The following NRDC variants were observed in gnomAD, a reference collection of about 807,000 sequenced individuals.
NRDC encodes nardilysin.
Under a neutral mutation model 147.1 loss-of-function variants are expected in NRDC, and 54 were observed. The ratio of observed to expected loss-of-function variants is 0.37; its 90% CI spans 0.29 to 0.46. The LOEUF is 0.46. Ranked by LOEUF, NRDC falls within the 20% of genes least tolerant of loss-of-function variation. The pLI, the probability that NRDC is intolerant of heterozygous loss-of-function variation, is 1.00. For missense variants in NRDC, 1,082 were observed against 1,370.6 expected (o/e 0.79, Z 3.33); for synonymous variants, 440 against 482.1 (o/e 0.91, Z 1.14).
chr1:51,795,093 TAC>T, intron 22 of NRDC: 1 of 1,450,002 alleles, frequency 6.9e-7, no homozygotes, highest in Non-Finnish European at 9.2e-7. Context: ...TTACCCATAA[TAC>T]AGTTTCCCAA....
At chr1:51,857,701 G>T (rs541181892) in intron 1 of NRDC, among the ~76,000 whole-genome samples, 25 of 152,146 alleles carry the variant, frequency 1.6e-4, no homozygotes, top group Admixed American at 4.6e-4. Context: ...TGATTGGATT[G>T]GATCTGATAA....
intron 13 of NRDC, 139 bp downstream of exon 13, chr1:51,814,412 A>T: frequency 2.7e-6 from 2 of 730,624 alleles, no homozygotes. Context: ...AGGGATAAGG[A>T]TATGGAGTCA....
intron 1 of NRDC, among the ~76,000 whole-genome samples, chr1:51,850,215 AC>A (rs920073665): frequency 6.6e-6 from 1 of 152,038 alleles, no homozygotes; most frequent in African/African-American, 2.4e-5. Context: ...AAAAATACAG[AC>A]TTTTAAGGTG....
chr1:51,827,939 T>G (rs1242613724), intron 4 of NRDC, 70 bp from the exon 5 acceptor site: 1 of 1,164,686 alleles, frequency 8.6e-7, no homozygotes, highest in Non-Finnish European at 1.3e-6. Context: ...TTATTTTAAT[T>G]AAGAAACTTA....
chr1:51,794,716 C>A (rs1678812994), intron 23 of NRDC, 106 bp from the exon 24 acceptor site: 1 of 1,584,476 alleles, frequency 6.3e-7, no homozygotes, highest in African/African-American at 1.4e-5. Context: ...AAATCTACTA[C>A]AAGTAGTATT....
At chr1:51,794,283 A>G (rs1678783257) in intron 24 of NRDC, among the ~76,000 whole-genome samples, 189 bp downstream of exon 24, 2 of 152,214 alleles carry the variant, frequency 1.3e-5, no homozygotes, top group African/African-American at 4.8e-5. Flanking sequence ...TAATGAAGCA[A>G]TACCTCACTG....
intron 4 of NRDC, among the ~76,000 whole-genome samples, 161 bp from the exon 5 acceptor site, chr1:51,828,030 CAT>C (rs1240292786): frequency 2.6e-5 from 4 of 152,188 alleles, no homozygotes; most frequent in African/African-American, 7.2e-5. Flanking sequence ...CTAATATCTA[CAT>C]GTTACTTTAA....
chr1:51,858,316 C>T (rs1325719929), intron 1 of NRDC, among the ~76,000 whole-genome samples: 3 of 151,862 alleles, frequency 2.0e-5, no homozygotes, highest in Non-Finnish European at 2.9e-5. Flanking sequence ...CTCCTCTCTA[C>T]AAAAAATTAA....
chr1:51,828,418 A>T (rs1219522670), intron 4 of NRDC, among the ~76,000 whole-genome samples: 3 of 152,172 alleles, frequency 2.0e-5, no homozygotes, highest in Non-Finnish European at 4.4e-5. Context: ...GAGTATATAA[A>T]GCTTACTTTT....
Position 51,840,420 on chromosome 1 carries a change from C to G in NRDC, c.436G>C (p.Glu146Gln). ...KTGNTTDDEE[E>Q]EEVEEEEEDD... is the part of the protein sequence containing the mutation. ...TCTTCTTCTTCCTCCACCTCCTCTTCTTCTTCATCATCTGTTGTATTTCCT... is the reference window on the plus strand; with the variant it reads ...TCTTCTTCTTCCTCCACCTCCTCTTGTTCTTCATCATCTGTTGTATTTCCT... The change falls in exon 2 of 31, where the codon GAA becomes CAA. Residue 146 changes from glutamate (E) to glutamine (Q), a missense_variant. By Grantham distance (29) the Glu-to-Gln change is conservative (BLOSUM62 2). Around this residue, in one of 3 missense-constraint regions of NRDC, gnomAD observed 260 missense variants for 253.2 expected, o/e 1.03. Coordinates refer to ENST00000352171, the MANE Select transcript of NRDC (RefSeq NM_001101662.2). 1 of 1,603,798 alleles carries G rather than the reference C, an allele frequency of 6.2e-7. No individual in the cohort carries two copies. Among genetic ancestry groups the G allele is most frequent in the Non-Finnish European group, 8.5e-7 (1 of 1,170,872 alleles).
rs1031253538 is a variant in NRDC, at chr1:51,877,941, C to G, written c.341+334G>C. 7 of 987,562 alleles carry G rather than the reference C, an allele frequency of 7.1e-6. No individual in the cohort carries two copies. In the African/African-American group the frequency reaches 1.2e-4, roughly 16 times the overall value. 61.2% of individuals were successfully genotyped at this position (987,562 alleles called of 1,614,324 possible). The stretch of plus-strand genomic sequence containing the variant: ...GTCCTCCAAATTAAAGTATCCAACT[C>G]CGTCAACCTTTCCTGGTAACATAAT... On this transcript the variant is annotated intron_variant, in intron 1 of 30. Transcript: ENST00000352171.
At chr1:51,838,718 TGTCA>T (rs1370539576) in intron 2 of NRDC, among the ~76,000 whole-genome samples, 2 of 152,156 alleles carry the variant, frequency 1.3e-5, no homozygotes, top group African/African-American at 4.8e-5. Context: ...GTTTCCTGAC[TGTCA>T]GTGTTCTTTT....
chr1:51,825,367 C>T lies in NRDC; in HGVS notation c.956G>A (p.Arg319Lys), dbSNP rs566262945. The change falls in exon 6 of 31, where the codon AGG becomes AAG. Residue 319 changes from arginine to lysine, a missense_variant. By Grantham distance (26) the Arg-to-Lys change is conservative (BLOSUM62 2). Coordinates refer to ENST00000352171, the MANE Select transcript of NRDC (RefSeq NM_001101662.2). The part of the protein sequence containing the change: ...EAVDSEYQLA[R>K]PSDANRKEML... ...TTCCTTTCTGTTTGCATCAGAAGGC[C>T]TTGCAAGTTGATATTCTGTCAATTT... 1 of 1,590,470 alleles carries T rather than the reference C, an allele frequency of 6.3e-7. No homozygotes were observed. Among genetic ancestry groups the T allele is most frequent in the African/African-American group, 1.4e-5 (1 of 73,348 alleles).
intron 1 of NRDC, among the ~76,000 whole-genome samples, chr1:51,841,318 TTTTC>T (rs1478718328): frequency 6.6e-6 from 1 of 152,190 alleles, no homozygotes; most frequent in Non-Finnish European, 1.5e-5. Flanking sequence ...TTTTTTTCCT[TTTTC>T]TTTGAGACAA....
rs1009072250 is a variant in NRDC, at chr1:51,845,592, C to CA, written c.342-5079dup. Among the ~76,000 whole-genome samples, 9 of 149,090 alleles carry CA rather than the reference C, an allele frequency of 6.0e-5. No homozygotes were observed. In the East Asian group the frequency reaches 7.7e-4, roughly 13 times the overall value. ...TGGGCGACAGAGCGAGACTCCGTCA[C>CA]AAAAAAAAGAAAAGAAAAGAAAAGA... On this transcript the variant is annotated intron_variant, in intron 1 of 30. Coordinates refer to ENST00000352171, the MANE Select transcript of NRDC (RefSeq NM_001101662.2).
At chr1:51,819,224 C>G (rs1191495012) in intron 9 of NRDC, among the ~76,000 whole-genome samples, 1 of 151,804 alleles carries the variant, frequency 6.6e-6, no homozygotes, top group Non-Finnish European at 1.5e-5. Context: ...ATCGCTTGAA[C>G]CTGGGAGGCG....
intron 22 of NRDC, among the ~76,000 whole-genome samples, chr1:51,796,118 C>T (rs921644379): frequency 1.3e-5 from 2 of 152,056 alleles, no homozygotes; most frequent in East Asian, 1.9e-4. Flanking sequence ...TGAGCTCAAG[C>T]GATTCTGCCA....
At chr1:51,866,176 T>C (rs1173254147) in intron 1 of NRDC, among the ~76,000 whole-genome samples, 7 of 152,132 alleles carry the variant, frequency 4.6e-5, no homozygotes, top group Non-Finnish European at 1.0e-4. Flanking sequence ...AAGCTATGAT[T>C]TCACCACTGC....
intron 3 of NRDC, 110 bp from the exon 4 acceptor site, chr1:51,834,280 A>C: frequency 1.5e-5 from 16 of 1,051,020 alleles, no homozygotes; most frequent in East Asian, 2.4e-5. Flanking sequence ...AGACCAACAC[A>C]TCAAATGGTT....
Sources: gnomAD v4.1 joint callset for allele counts (sites outside exome capture counted in the v4.1 genomes callset) on GRCh38, gnomAD v4.1.1 for gene constraint, gnomAD v4.1.1 regional missense constraint, MANE v1.5 for transcripts, NCBI Gene and HGNC (gene_info 2026-07-23, HGNC 2026-07-21) for gene names.